The following SEC24A variants were observed in gnomAD, a reference collection of about 807,000 sequenced individuals.
SEC24A encodes SEC24 homolog A, COPII component, also known as protein transport protein Sec24A.
SEC24A carries 93 observed loss-of-function variants against 129.4 expected under a neutral mutation model. That is an observed-to-expected ratio of 0.72 (90% CI 0.61 to 0.85). The LOEUF (loss-of-function observed/expected upper bound fraction) is 0.85. Ranked by LOEUF, SEC24A falls within the 40% of genes least tolerant of loss-of-function variation. The probability of loss-of-function intolerance (pLI) is 0.00; values close to 1 mark genes in which losing one functional copy is unlikely to be tolerated. For missense variants in SEC24A, 1,264 were observed against 1,307.4 expected, an observed-to-expected ratio of 0.97 and a Z score of 0.51; for synonymous variants, 460 against 467.3, an observed-to-expected ratio of 0.98 and a Z score of 0.20.
chr5:134,698,666 C>G (rs975792492), intron 15 of SEC24A, among the ~76,000 whole-genome samples: 2 of 131,668 alleles, frequency 1.5e-5, no homozygotes, highest in Non-Finnish European at 3.1e-5. Context: ...GTATATTGCT[C>G]TGTTGCCCAG....
At chr5:134,674,244 A>G (rs1459645995) in intron 4 of SEC24A, among the ~76,000 whole-genome samples, 1 of 152,216 alleles carries the variant, frequency 6.6e-6, no homozygotes, top group Non-Finnish European at 1.5e-5. Flanking sequence ...AAATTATCCA[A>G]AGAATTTTGG....
At chr5:134,708,060 C>T (rs570795117) in intron 17 of SEC24A, among the ~76,000 whole-genome samples, 18 of 152,076 alleles carry the variant, frequency 1.2e-4, no homozygotes, top group African/African-American at 3.9e-4. Flanking sequence ...ACCTGGGAGG[C>T]GGAGGATGCA....
intron 18 of SEC24A, among the ~76,000 whole-genome samples, chr5:134,709,645 A>T (rs1049164520): frequency 6.6e-6 from 1 of 152,188 alleles, no homozygotes; most frequent in African/African-American, 2.4e-5. Context: ...ATTGAACAAA[A>T]GGTACAGTGT....
Position 134,696,965 on chromosome 5 carries a change from T to C in SEC24A, c.1987-161T>C, listed in dbSNP as rs148272916. 3.3e-3 allele frequency among the ~76,000 whole-genome samples: 508 copies of C among 152,228 alleles called. 4 individuals are homozygous for C. Among genetic ancestry groups the C allele is most frequent in the African/African-American group, 0.012 (486 of 41,546 alleles). On this transcript the variant is annotated intron_variant, in intron 13 of 22. Coordinates refer to ENST00000398844, the MANE Select transcript of SEC24A (RefSeq NM_021982.3). Reference sequence around the variant, plus strand: ...AAATTCCTAAGCAGTACTTGCTTCTTAATGAAAAATCAAGTAGTACCACAA... The same window carrying C: ...AAATTCCTAAGCAGTACTTGCTTCTCAATGAAAAATCAAGTAGTACCACAA...
intron 8 of SEC24A, 77 bp downstream of exon 8, chr5:134,679,805 TA>T (rs765354080): frequency 0.15 from 130,531 of 867,252 alleles, 1,344 homozygotes; most frequent in Non-Finnish European, 0.17. Context: ...AATGCACAGT[TA>T]AAAAAAAAAA....
chr5:134,702,024 CA>C (rs746447997), intron 15 of SEC24A, among the ~76,000 whole-genome samples: 1 of 152,154 alleles, frequency 6.6e-6, no homozygotes, highest in African/African-American at 2.4e-5. Context: ...GAAACTTTCC[CA>C]TGGCATTTAT....
chr5:134,718,203 C>T, intron 20 of SEC24A, 30 bp downstream of exon 20: 1 of 1,409,828 alleles, frequency 7.1e-7, no homozygotes, highest in Non-Finnish European at 1.0e-6. Flanking sequence ...CTGACCCTCA[C>T]TGCAAACTAC....
rs1421446608 is a variant in SEC24A, at chr5:134,698,166, C to G, written c.2266+109C>G. 6.6e-6 allele frequency: 6 copies of G among 905,130 alleles called. No individual in the cohort carries two copies. The African/African-American group carries it at 1.0e-4, about 15-fold the overall frequency. 56.1% of individuals were successfully genotyped at this position (905,130 alleles called of 1,614,324 possible). On this transcript the variant is annotated intron_variant, in intron 15 of 22. Coordinates refer to ENST00000398844, the MANE Select transcript of SEC24A (RefSeq NM_021982.3). ...TTGCCCTTCTGAGATACTTTGCCTA[C>G]TCTGGAATATGCAATTAAGAGGAGA...
chr5:134,724,952 C>G, intron 22 of SEC24A, 28 bp from the exon 23 acceptor site: 1 of 1,140,296 alleles, frequency 8.8e-7, no homozygotes, highest in Non-Finnish European at 1.3e-6. Context: ...TACATTTTAT[C>G]TAAATTTTTT....
rs752202231 is a variant in SEC24A at position 134,679,629 on chromosome 5, A to C, written c.1282A>C (p.Ile428Leu). The C allele has an allele frequency of 3.1e-6, 5 of 1,593,982 alleles. No individual in the cohort carries two copies. The highest frequency in any genetic ancestry group is 4.3e-6 in the Non-Finnish European group (5 of 1,166,714). The change falls in exon 8 of 23, where the codon ATT becomes CTT. Residue 428 changes from isoleucine to leucine, a missense_variant. By Grantham distance (5) the Ile-to-Leu change is conservative. Transcript: ENST00000398844. ...VQLPVVTSST[I>L]VRCRSCRTYI... Reference sequence around the variant, plus strand: ...ATTGCCTGTGGTTACCTCCAGTACAATTGTGAGATGCCGTTCATGCAGGAC... The same window carrying C: ...ATTGCCTGTGGTTACCTCCAGTACACTTGTGAGATGCCGTTCATGCAGGAC...
intron 7 of SEC24A, 109 bp from the exon 8 acceptor site, chr5:134,679,493 C>CTA: frequency 1.5e-6 from 1 of 683,382 alleles, no homozygotes; most frequent in Non-Finnish European, 2.3e-6. Context: ...TAAGTTTTCT[C>CTA]TAAAATGATA....
Position 134,709,096 on chromosome 5 carries a change from C to T in SEC24A, c.2727+208C>T, listed in dbSNP as rs1405368851. Among the ~76,000 whole-genome samples, 5 of 152,124 alleles carry T rather than the reference C, an allele frequency of 3.3e-5. No homozygotes were observed. The East Asian group carries it at 7.7e-4, about 24-fold the overall frequency. On this transcript the variant is annotated intron_variant, in intron 18 of 22. Transcript: ENST00000398844. ...GGTGGTGCACACCTGTAGTCAGTCC[C>T]AGCTACTTGGGATGCTGAGGTGGGA...
chr5:134,697,771 A>C (rs1452196337), intron 14 of SEC24A, 128 bp from the exon 15 acceptor site: 1 of 1,008,144 alleles, frequency 9.9e-7, no homozygotes, highest in Non-Finnish European at 1.4e-6. Context: ...AAAAGGGAAT[A>C]AAATCTCCTT....
intron 1 of SEC24A, among the ~76,000 whole-genome samples, chr5:134,655,548 CCTCAG>C (rs1427557768): frequency 6.6e-6 from 1 of 150,962 alleles, no homozygotes; most frequent in African/African-American, 2.4e-5. Flanking sequence ...ACTCAGGAGG[CCTCAG>C]CCTCCTGAGT....
At chr5:134,710,145 C>T (rs966627209) in intron 18 of SEC24A, among the ~76,000 whole-genome samples, 2 of 151,882 alleles carry the variant, frequency 1.3e-5, no homozygotes, top group Non-Finnish European at 2.9e-5. Flanking sequence ...GTGATTCGCC[C>T]GCCTTGGCCT....
chr5:134,662,363 C>T (rs1750501475), intron 2 of SEC24A, among the ~76,000 whole-genome samples: 1 of 151,952 alleles, frequency 6.6e-6, no homozygotes, highest in African/African-American at 2.4e-5. Flanking sequence ...ACCGTGTTAG[C>T]CAGGATGGTC....
chr5:134,678,818 G>A (rs751314787), intron 7 of SEC24A, among the ~76,000 whole-genome samples: 5 of 152,258 alleles, frequency 3.3e-5, no homozygotes, highest in East Asian at 1.9e-4. Context: ...CTGACCTCGC[G>A]TTCCACCCGC....
intron 19 of SEC24A, among the ~76,000 whole-genome samples, chr5:134,717,230 A>G (rs925498497): frequency 6.6e-5 from 10 of 152,190 alleles, no homozygotes; most frequent in Non-Finnish European, 2.9e-5. Flanking sequence ...ATGGCCAGGC[A>G]CGGTAAATCA....
rs116896377 is a variant in SEC24A, at chr5:134,683,856, A to C, written c.1491+1374A>C. Among the ~76,000 whole-genome samples, 1,197 of 152,312 alleles carry C rather than the reference A, an allele frequency of 7.9e-3. 6 individuals are homozygous for C. Among genetic ancestry groups the C allele is most frequent in the Middle Eastern group, 0.041 (12 of 294 alleles). ...TTAATCCTCTTTTACAGATATGAAA[A>C]CAGACTTAGGTTAAGTGACATGCCA... On this transcript the variant is annotated intron_variant, in intron 9 of 22. Transcript: ENST00000398844.
Sources: allele counts gnomAD v4.1 joint callset (sites outside exome capture counted in the v4.1 genomes callset), GRCh38; gene constraint gnomAD v4.1.1; transcripts MANE v1.5; gene names NCBI Gene and HGNC (gene_info 2026-07-23, HGNC 2026-07-21).